The following CCDC110 variants were observed in gnomAD, a reference collection of about 807,000 sequenced individuals.
The protein encoded by CCDC110 is coiled-coil domain-containing protein 110.
A neutral mutation model predicts 77.1 loss-of-function variants in CCDC110; 70 were observed. The observed-to-expected ratio is 0.91, with a 90% CI of 0.75 to 1.11. CCDC110 has a LOEUF of 1.11. Ranked by LOEUF, CCDC110 falls within the 50% of genes least tolerant of loss-of-function variation. CCDC110 has a pLI of 0.00. For missense variants in CCDC110, 868 were observed against 942.9 expected (o/e 0.92, Z 1.04); for synonymous variants, 295 against 312.5 (o/e 0.94, Z 0.59).
intron 6 of CCDC110, among the ~76,000 whole-genome samples, chr4:185,447,292 C>T (rs1238241628): frequency 5.3e-5 from 8 of 152,000 alleles, no homozygotes; most frequent in Admixed American, 3.9e-4. Context: ...CGCCATTCTC[C>T]TGCCTCAGCC....
At chr4:185,457,461 G>A in intron 6 of CCDC110, 3 of 355,768 alleles carry the variant, frequency 8.4e-6, no homozygotes, top group Non-Finnish European at 1.6e-5. Flanking sequence ...GACAACCAAT[G>A]CAAACATGCT....
At chr4:185,460,864 A>G in intron 5 of CCDC110, 185 bp downstream of exon 5, 1 of 530,350 alleles carries the variant, frequency 1.9e-6, no homozygotes, top group East Asian at 3.6e-5. Flanking sequence ...GAGAAATGGG[A>G]AAACTGCAAA....
Position 185,460,175 on chromosome 4 carries a change from T to G in CCDC110, c.412A>C (p.Thr138Pro), listed in dbSNP as rs761921305. ...EKSHHFEDSK[T>P]LHSVEEKLSG... ...AATTTTTCTTCCACTGAATGAAGTG[T>G]CTTGGAATCCTCAAAATGATGACTT... Residue 138 changes from threonine to proline, a missense_variant, in exon 6 of 7, where the codon ACA becomes CCA. Thr to Pro is a conservative substitution (Grantham distance 38). Transcript: ENST00000307588. The G allele has an allele frequency of 6.2e-7, 1 of 1,611,722 alleles. No homozygotes were observed. Among genetic ancestry groups the G allele is most frequent in the South Asian group, 1.1e-5 (1 of 90,854 alleles).
chr4:185,451,572 TA>T (rs1252826695), intron 6 of CCDC110, among the ~76,000 whole-genome samples: 1 of 152,168 alleles, frequency 6.6e-6, no homozygotes, highest in Non-Finnish European at 1.5e-5. Flanking sequence ...AATCAAAGAG[TA>T]ATATTGAATA....
intron 2 of CCDC110, among the ~76,000 whole-genome samples, chr4:185,465,700 G>C (rs1241870883): frequency 1.3e-5 from 2 of 152,200 alleles, no homozygotes; most frequent in African/African-American, 4.8e-5. Context: ...GTATGGGGTG[G>C]GGTGAGAAGG....
chr4:185,457,321 T>G (rs1450777287), intron 6 of CCDC110: 5 of 456,000 alleles, frequency 1.1e-5, no homozygotes, highest in Non-Finnish European at 2.2e-5. Context: ...GCATGTGTAT[T>G]GTTTCCACCT....
chr4:185,450,403 C>T (rs1196412080), intron 6 of CCDC110, among the ~76,000 whole-genome samples: 2 of 152,174 alleles, frequency 1.3e-5, no homozygotes, highest in Non-Finnish European at 2.9e-5. Flanking sequence ...AGGCCTTACC[C>T]GCTAGTCCCC....
At chr4:185,461,197 T>G (rs202064494) in intron 4 of CCDC110, 38 bp from the exon 5 acceptor site, 1 of 1,095,898 alleles carries the variant, frequency 9.1e-7, no homozygotes, top group East Asian at 2.4e-5. Context: ...GATTTCAGAT[T>G]TGTAAACTTA....
In CCDC110 at chr4:185,459,237, A is replaced by T. The variant is rs1196191609; in HGVS notation, c.1350T>A (p.Ser450Arg). The T allele has an allele frequency of 6.2e-7, 1 of 1,606,424 alleles. No individual in the cohort carries two copies. Among genetic ancestry groups the T allele is most frequent in the Non-Finnish European group, 8.5e-7 (1 of 1,177,902 alleles). ...QIQKKVMELE[S>R]ENLNLKSKMK... ...TTTTGGACTTAAGGTTTAGATTTTC[A>T]CTCTCCAGTTCCATTACTTTTTTCT... is the stretch of plus-strand genomic sequence containing the variant. The change falls in exon 6 of 7, where the codon AGT becomes AGA. Residue 450 changes from serine (S) to arginine (R), a missense_variant. Ser to Arg is a moderately radical substitution (Grantham distance 110, BLOSUM62 -1). Transcript: ENST00000307588.
intron 1 of CCDC110, 127 bp downstream of exon 1, chr4:185,471,547 C>G: frequency 9.6e-7 from 1 of 1,039,226 alleles, no homozygotes; most frequent in Non-Finnish European, 1.4e-6. Context: ...GGGAGATGTG[C>G]GGCGAGTGCA....
intron 6 of CCDC110, among the ~76,000 whole-genome samples, chr4:185,454,479 T>C (rs973760307): frequency 3.9e-5 from 6 of 151,988 alleles, no homozygotes; most frequent in African/African-American, 1.4e-4. Flanking sequence ...TTTGGGAGGC[T>C]GAGGCGGGAG....
At chr4:185,448,165 C>T (rs1008361833) in intron 6 of CCDC110, among the ~76,000 whole-genome samples, 4 of 152,048 alleles carry the variant, frequency 2.6e-5, no homozygotes, top group African/African-American at 7.2e-5. Flanking sequence ...GTATTACAGG[C>T]GCCCACCACC....
intron 6 of CCDC110, chr4:185,457,281 G>C: frequency 4.4e-6 from 2 of 456,312 alleles, no homozygotes; most frequent in South Asian, 3.1e-5. Flanking sequence ...TTGGAAGCTA[G>C]AGATTGTGTT....
At position 185,470,925 on chromosome 4, in the gene CCDC110, T is replaced by C; in HGVS notation, c.115+20A>G. On this transcript the variant is annotated intron_variant, in intron 2 of 6. Transcript: ENST00000307588. ...GCCTGTGTATAGTTAAAGGAGCCTT[T>C]TACGGTCTGGCGATTTTACCTGTGT... 3 of 1,557,000 alleles carry C rather than the reference T, an allele frequency of 1.9e-6. No individual in the cohort carries two copies. Among genetic ancestry groups the C allele is most frequent in the Non-Finnish European group, 2.7e-6 (3 of 1,128,840 alleles).
At chr4:185,466,038 G>T (rs1278870180) in intron 2 of CCDC110, among the ~76,000 whole-genome samples, 1 of 152,152 alleles carries the variant, frequency 6.6e-6, no homozygotes, top group Non-Finnish European at 1.5e-5. Context: ...AGTCAGGTGG[G>T]TCTACCAGTG....
At chr4:185,455,028 C>G (rs2095634129) in intron 6 of CCDC110, among the ~76,000 whole-genome samples, 1 of 152,192 alleles carries the variant, frequency 6.6e-6, no homozygotes, top group Admixed American at 6.5e-5. Context: ...GCAGCCTGTT[C>G]ATTCATCATT....
chr4:185,461,943 C>T (rs1415475334), intron 4 of CCDC110, among the ~76,000 whole-genome samples: 1 of 152,110 alleles, frequency 6.6e-6, no homozygotes, highest in Non-Finnish European at 1.5e-5. Flanking sequence ...ACTAAAAATA[C>T]AAAAATTAAC....
At position 185,445,796 on chromosome 4, in the gene CCDC110, G is replaced by A. The variant is rs570789636; in HGVS notation, c.2462-254C>T. Among the ~76,000 whole-genome samples the A allele has an allele frequency of 5.9e-5, 9 of 152,212 alleles. No homozygotes were observed. In the South Asian group the frequency reaches 1.5e-3, roughly 25 times the overall value. ...GACAGCAATTATAATACTAACATTA[G>A]TATTATTTCACAAAAATAAAACTGC... On this transcript the variant is annotated intron_variant, in intron 6 of 6. Transcript: ENST00000307588.
In CCDC110 at chr4:185,445,337, G is replaced by A; in HGVS notation, c.*165C>T. On this transcript the variant is annotated 3_prime_UTR_variant, in exon 7 of 7. Transcript: ENST00000307588. ...TCTTCTGAAATTCCCAGCTGAGAAA[G>A]CTTAAGTTATCTGCACCAAACCATT... 1.4e-6 allele frequency: 1 copy of A among 725,682 alleles called. No homozygotes were observed. Among genetic ancestry groups the A allele is most frequent in the Non-Finnish European group, 2.2e-6 (1 of 449,172 alleles). The allele number at this position is 725,682 out of a possible 1,614,324, so 45.0% of individuals were successfully genotyped here. A position where few individuals can be genotyped will look rare whatever the true frequency, so the allele number is the denominator to read the frequency against.
Sources: allele counts gnomAD v4.1 joint callset (sites outside exome capture counted in the v4.1 genomes callset), GRCh38; gene constraint gnomAD v4.1.1; transcripts MANE v1.5; gene names NCBI Gene and HGNC (gene_info 2026-07-23, HGNC 2026-07-21).